C1orf94: variants seen among roughly 807,000 people sequenced by gnomAD.
C1orf94 encodes the protein chromosome 1 open reading frame 94.
A neutral mutation model predicts 53.6 loss-of-function variants in C1orf94; 45 were observed. The ratio of observed to expected loss-of-function variants is 0.84; its 90% confidence interval spans 0.66 to 1.08. C1orf94 has a LOEUF of 1.08. C1orf94 is among the 50% of genes least tolerant of loss of function. The pLI is 0.00. For synonymous variants in C1orf94, 304 were observed against 296.1 expected, an observed-to-expected ratio of 1.03 and a Z score of -0.27; for missense variants, 762 against 738.9, an observed-to-expected ratio of 1.03 and a Z score of -0.36.
chr1:34,190,989 A>G (rs1342999865), intron 1 of C1orf94, among the ~76,000 whole-genome samples: 3 of 152,216 alleles, frequency 2.0e-5, no homozygotes, highest in Admixed American at 2.0e-4. Flanking sequence ...TCACCCAAGC[A>G]TCTGCACTTA....
chr1:34,189,628 G>T (rs1462637740), intron 1 of C1orf94, among the ~76,000 whole-genome samples: 1 of 152,188 alleles, frequency 6.6e-6, no homozygotes, highest in Non-Finnish European at 1.5e-5. Context: ...GCCAGGGTGG[G>T]CTCCACTGGG....
intron 4 of C1orf94, among the ~76,000 whole-genome samples, chr1:34,204,302 T>G (rs534478509): frequency 6.6e-6 from 1 of 152,156 alleles, no homozygotes; most frequent in Non-Finnish European, 1.5e-5. Flanking sequence ...TAGCAAAGTC[T>G]CTCTCTGTTT....
chr1:34,207,702 C>T (rs1020295500), intron 4 of C1orf94, among the ~76,000 whole-genome samples: 1 of 152,188 alleles, frequency 6.6e-6, no homozygotes, highest in Non-Finnish European at 1.5e-5. Flanking sequence ...TGCATAGACA[C>T]CTTGTGTCTT....
chr1:34,206,867 G>A (rs1340891407), intron 4 of C1orf94, among the ~76,000 whole-genome samples: 2 of 152,156 alleles, frequency 1.3e-5, no homozygotes, highest in Admixed American at 1.3e-4. Context: ...GTGGACAAAA[G>A]TGGGAGGGGC....
At chr1:34,208,285 G>A (rs762738791) in intron 5 of C1orf94, 51 bp downstream of exon 5, 9 of 1,562,416 alleles carry the variant, frequency 5.8e-6, no homozygotes, top group Non-Finnish European at 6.1e-6. Context: ...AGGCCTTTGG[G>A]TCAGAGGGTG....
chr1:34,217,278 G>C (rs1341495001), intron 6 of C1orf94, among the ~76,000 whole-genome samples: 1 of 152,066 alleles, frequency 6.6e-6, no homozygotes, highest in African/African-American at 2.4e-5. Context: ...AGATCATGCC[G>C]GTGGCCGTTG....
At chr1:34,193,109 C>T (rs965794197) in intron 1 of C1orf94, among the ~76,000 whole-genome samples, 1 of 152,024 alleles carries the variant, frequency 6.6e-6, no homozygotes, top group Non-Finnish European at 1.5e-5. Context: ...TGGAAGGAGA[C>T]CCTGAATCAG....
chr1:34,186,650 A>G (rs998745145), intron 1 of C1orf94, among the ~76,000 whole-genome samples: 4 of 152,206 alleles, frequency 2.6e-5, no homozygotes, highest in Non-Finnish European at 4.4e-5. Context: ...GCTACATGGG[A>G]TAGATCTTTT....
rs1356648282 is a variant in C1orf94 at position 34,177,977 on chromosome 1, A to G, written c.188A>G (p.Asp63Gly). ...IHQDTPQDSL[D>G]KTCHEIWKRV... The stretch of plus-strand genomic sequence containing the variant: ...CAGGACACACCCCAAGACAGCCTAG[A>G]CAAGACTTGCCATGAAATCTGGAAG... The change falls in exon 1 of 7, where the codon GAC becomes GGC. Residue 63 changes from aspartate (D) to glycine (G), a missense_variant. Coordinates refer to ENST00000488417, the MANE Select transcript of C1orf94 (RefSeq NM_001134734.2). The G allele has an allele frequency of 6.4e-7, 1 of 1,551,764 alleles. No homozygotes were observed. Among genetic ancestry groups the G allele is most frequent in the Admixed American group, 2.0e-5 (1 of 51,010 alleles).
intron 1 of C1orf94, among the ~76,000 whole-genome samples, chr1:34,182,955 G>C (rs1236403383): frequency 6.6e-6 from 1 of 152,208 alleles, no homozygotes. Flanking sequence ...CACTAGCCAA[G>C]AGCATTAGAC....
chr1:34,182,839 A>G (rs1315919781), intron 1 of C1orf94, among the ~76,000 whole-genome samples: 1 of 152,162 alleles, frequency 6.6e-6, no homozygotes, highest in Non-Finnish European at 1.5e-5. Context: ...TCTCTGAAGT[A>G]ATTCCCCAAA....
chr1:34,202,393 C>T (rs1207215990), intron 4 of C1orf94, 134 bp downstream of exon 4: 9 of 979,002 alleles, frequency 9.2e-6, no homozygotes, highest in Non-Finnish European at 1.3e-5. Context: ...CAAGAGGCTT[C>T]GCTGGGGCTA....
At chr1:34,169,904 G>A (rs983301648) in intron 1 of C1orf94, among the ~76,000 whole-genome samples, 2 of 152,240 alleles carry the variant, frequency 1.3e-5, no homozygotes, top group Admixed American at 6.5e-5. Flanking sequence ...CCACACCAAG[G>A]TGAGGCTGTG....
rs1036257846 is a variant in C1orf94, at chr1:34,189,107, T to C, written c.321-8118T>C. On this transcript the variant is annotated intron_variant, in intron 1 of 6. Coordinates refer to ENST00000488417, the MANE Select transcript of C1orf94 (RefSeq NM_001134734.2). ...GTGCATAGGTGTGCATGTGTATGCA[T>C]GGATGTGTGTTCATGTGTGCAGGAT... is the stretch of plus-strand genomic sequence containing the variant. Among the ~76,000 whole-genome samples the C allele has an allele frequency of 4.6e-5, 7 of 152,112 alleles. No individual in the cohort carries two copies. In the South Asian group the frequency reaches 1.5e-3, roughly 32 times the overall value.
chr1:34,204,763 A>T (rs770575692), intron 4 of C1orf94, among the ~76,000 whole-genome samples: 8 of 152,130 alleles, frequency 5.3e-5, no homozygotes, highest in Non-Finnish European at 1.2e-4. Context: ...GTGTGGTGGC[A>T]TGTGCCTGGA....
chr1:34,212,662 A>G (rs927635203), intron 6 of C1orf94, among the ~76,000 whole-genome samples: 12 of 152,294 alleles, frequency 7.9e-5, no homozygotes, highest in African/African-American at 2.6e-4. Flanking sequence ...TGCACGGTCC[A>G]TAACATATGG....
At chr1:34,181,488 C>T (rs1642311807) in intron 1 of C1orf94, among the ~76,000 whole-genome samples, 1 of 152,206 alleles carries the variant, frequency 6.6e-6, no homozygotes, top group Non-Finnish European at 1.5e-5. Context: ...TTAATTCATT[C>T]ATTCAATTAT....
intron 1 of C1orf94, among the ~76,000 whole-genome samples, chr1:34,189,120 A>G (rs1250712721): frequency 6.6e-6 from 1 of 151,496 alleles, no homozygotes; most frequent in Non-Finnish European, 1.5e-5. Context: ...ATGTGTGTTC[A>G]TGTGTGCAGG....
At chr1:34,201,716 G>T (rs1456990215) in intron 3 of C1orf94, among the ~76,000 whole-genome samples, 1 of 152,170 alleles carries the variant, frequency 6.6e-6, no homozygotes, top group African/African-American at 2.4e-5. Flanking sequence ...GCATAGCAAT[G>T]GTTCACATAA....
Sources: allele counts gnomAD v4.1 joint callset (sites outside exome capture counted in the v4.1 genomes callset), GRCh38; gene constraint gnomAD v4.1.1; transcripts MANE v1.5; gene names NCBI Gene and HGNC (gene_info 2026-07-23, HGNC 2026-07-21).